EFCAB6: variants seen among roughly 807,000 people sequenced by gnomAD.
The protein encoded by EFCAB6 is EF-hand calcium binding domain 6.
Under a neutral mutation model 169.8 loss-of-function variants are expected in EFCAB6, and 156 were observed. The observed-to-expected ratio is 0.92, with a 90% CI of 0.81 to 1.05. The LOEUF (loss-of-function observed/expected upper bound fraction) is 1.05. EFCAB6 is among the 50% of genes least tolerant of loss of function. The pLI is 0.00. For missense variants in EFCAB6, 1,800 were observed against 1,829.1 expected (o/e 0.98, Z 0.29); for synonymous variants, 698 against 676.4 (o/e 1.03, Z -0.50).
intron 8 of EFCAB6, among the ~76,000 whole-genome samples, chr22:43,724,699 T>G (rs1402122746): frequency 6.6e-6 from 1 of 152,102 alleles, no homozygotes; most frequent in Non-Finnish European, 1.5e-5. Flanking sequence ...AACATTCTGG[T>G]CACAACCACT....
chr22:43,703,925 A>C (rs1603250873), intron 10 of EFCAB6, among the ~76,000 whole-genome samples: 1 of 79,544 alleles, frequency 1.3e-5, no homozygotes, highest in African/African-American at 3.4e-5. Context: ...GAAGCAGAAG[A>C]AAAAAAGCCT....
chr22:43,791,245 C>A (rs1401110882), intron 2 of EFCAB6, among the ~76,000 whole-genome samples: 1 of 151,870 alleles, frequency 6.6e-6, no homozygotes, highest in Non-Finnish European at 1.5e-5. Context: ...TGGTGGTGCA[C>A]ACCTATAGTC....
chr22:43,666,200 A>T (rs145297168), intron 17 of EFCAB6, among the ~76,000 whole-genome samples: 4 of 151,936 alleles, frequency 2.6e-5, no homozygotes, highest in Middle Eastern at 3.4e-3. Flanking sequence ...ACAACAAAGG[A>T]CCCTCCACGT....
intron 6 of EFCAB6, among the ~76,000 whole-genome samples, chr22:43,740,176 C>A (rs563600579): frequency 6.6e-6 from 1 of 152,204 alleles, no homozygotes; most frequent in Non-Finnish European, 1.5e-5. Context: ...GGCCCAGAAA[C>A]GCCCTCCCTA....
chr22:43,784,672 TATATAC>T lies in EFCAB6; in HGVS notation c.-7-2353_-7-2348del, dbSNP rs1460428090. On this transcript the variant is annotated intron_variant, in intron 2 of 31. Coordinates refer to ENST00000262726, the MANE Select transcript of EFCAB6 (RefSeq NM_022785.4). The stretch of plus-strand genomic sequence containing the variant: ...ATATATGTGTATATATACATATACA[TATATAC>T]ACACACACACACACACACACACACA... Among the ~76,000 whole-genome samples, 201 of 42,920 alleles carry T rather than the reference TATATAC, an allele frequency of 4.7e-3. 8 individuals carry two copies. The highest frequency in any genetic ancestry group is 0.038 in the Admixed American group (101 of 2,636). The allele number at this position is 42,920 out of a possible 152,430, so 28.2% of individuals were successfully genotyped here.
chr22:43,755,750 T>C lies in EFCAB6; in HGVS notation c.507+16A>G, dbSNP rs780511566. 16 of 1,588,148 alleles carry C rather than the reference T, an allele frequency of 1.0e-5. No homozygotes were observed. Among genetic ancestry groups the C allele is most frequent in the Non-Finnish European group, 1.4e-5 (16 of 1,170,128 alleles). ...GGTGGGGTGGGGGGAAATCATTTCT[T>C]TAAAATCTCTATTACCTTTTCTCCC... On this transcript the variant is annotated intron_variant, in intron 6 of 31. Coordinates refer to ENST00000262726, the MANE Select transcript of EFCAB6 (RefSeq NM_022785.4).
intron 20 of EFCAB6, among the ~76,000 whole-genome samples, chr22:43,618,165 G>GGAAAGAAAGAAAGAAAGAAAGAAA (rs1172174002): frequency 6.2e-4 from 42 of 68,240 alleles, no homozygotes; most frequent in East Asian, 2.6e-3. Context: ...AAGGAAGGAA[G>GGAAAGAAAGAAAGAAAGAAAGAAA]GAAAGAAAGA....
intron 11 of EFCAB6, among the ~76,000 whole-genome samples, chr22:43,686,592 C>T (rs1054339573): frequency 1.3e-5 from 2 of 151,070 alleles, no homozygotes; most frequent in Non-Finnish European, 1.5e-5. Context: ...CTTCACATAA[C>T]GAATGAACTC....
At chr22:43,545,385 C>G (rs1391025961) in intron 27 of EFCAB6, among the ~76,000 whole-genome samples, 3 of 152,154 alleles carry the variant, frequency 2.0e-5, no homozygotes, top group African/African-American at 7.2e-5. Flanking sequence ...TTCTAATAAG[C>G]CTCCGTTCAC....
At chr22:43,614,064 T>C (rs1454022797) in intron 21 of EFCAB6, among the ~76,000 whole-genome samples, 2 of 150,934 alleles carry the variant, frequency 1.3e-5, no homozygotes, top group East Asian at 2.0e-4. Flanking sequence ...GAAGGCTCAA[T>C]AGCATCAAAT....
intron 23 of EFCAB6, among the ~76,000 whole-genome samples, chr22:43,597,182 T>C (rs980248708): frequency 5.3e-5 from 8 of 152,170 alleles, no homozygotes; most frequent in Non-Finnish European, 7.3e-5. Flanking sequence ...CTACAGGACA[T>C]TGGTCAGGGC....
intron 26 of EFCAB6, among the ~76,000 whole-genome samples, chr22:43,560,696 A>G (rs1032512033): frequency 6.6e-6 from 1 of 152,172 alleles, no homozygotes; most frequent in Non-Finnish European, 1.5e-5. Context: ...CGTGGGAGGT[A>G]ACATTATCCT....
chr22:43,798,564 T>C (rs1292015112), intron 2 of EFCAB6, among the ~76,000 whole-genome samples: 1 of 152,208 alleles, frequency 6.6e-6, no homozygotes, highest in Non-Finnish European at 1.5e-5. Flanking sequence ...CAGTTTGTAA[T>C]GATGTAGCTA....
At chr22:43,753,064 C>T (rs973345357) in intron 6 of EFCAB6, among the ~76,000 whole-genome samples, 2 of 152,168 alleles carry the variant, frequency 1.3e-5, no homozygotes, top group Non-Finnish European at 2.9e-5. Context: ...GAGTTGTCTC[C>T]ACTTTAGAGA....
chr22:43,585,428 A>C (rs2050999122), intron 24 of EFCAB6, among the ~76,000 whole-genome samples: 1 of 152,194 alleles, frequency 6.6e-6, no homozygotes, highest in Non-Finnish European at 1.5e-5. Context: ...AAATGCAAAG[A>C]AAAAAAGAAC....
chr22:43,811,363 GGGGAA>G (rs10629100), intron 1 of EFCAB6, among the ~76,000 whole-genome samples: 2 of 123,074 alleles, frequency 1.6e-5, no homozygotes, highest in South Asian at 6.0e-4. Flanking sequence ...AGGGAAGAAA[GGGGAA>G]GGGAAGGGAG....
At chr22:43,531,028 T>G (rs2146968513) in intron 30 of EFCAB6, 64 bp from the exon 31 acceptor site, 3 of 1,598,518 alleles carry the variant, frequency 1.9e-6, no homozygotes, top group East Asian at 4.5e-5. Flanking sequence ...GGTGGGCTCC[T>G]CCTCGCCTCG....
At chr22:43,605,450 C>CT (rs1431067595) in intron 22 of EFCAB6, among the ~76,000 whole-genome samples, 1 of 152,126 alleles carries the variant, frequency 6.6e-6, no homozygotes, top group Non-Finnish European at 1.5e-5. Flanking sequence ...CAAGACCATC[C>CT]TGGCCAACAT....
At chr22:43,765,239 T>A in intron 5 of EFCAB6, 66 bp downstream of exon 5, 1 of 1,263,004 alleles carries the variant, frequency 7.9e-7, no homozygotes, top group Non-Finnish European at 1.2e-6. Context: ...TCCAATGGCT[T>A]CACGTCATAG....
Sources: allele counts gnomAD v4.1 joint callset (sites outside exome capture counted in the v4.1 genomes callset), GRCh38; gene constraint gnomAD v4.1.1; transcripts MANE v1.5; gene names NCBI Gene and HGNC (gene_info 2026-07-23, HGNC 2026-07-21).